LGALS9: variants seen among roughly 807,000 people sequenced by gnomAD.
LGALS9 encodes the protein galectin-9.
In LGALS9, 26 loss-of-function variants were observed where a neutral mutation model predicts 35.9. The observed-to-expected ratio is 0.72, with a 90% CI of 0.53 to 1.01. The LOEUF (loss-of-function observed/expected upper bound fraction) is 1.01, where lower values mean the gene tolerates loss of function less well. Among genes scored for constraint, LGALS9 ranks in the 50% least tolerant of loss-of-function variants. The pLI is 0.00. For missense variants in LGALS9, 347 were observed against 445.8 expected (o/e 0.78, Z 1.99); for synonymous variants, 149 against 172.2 (o/e 0.87, Z 1.06).
At chr17:27,631,636 A>G (rs1026002694) in intron 1 of LGALS9, among the ~76,000 whole-genome samples, 4 of 152,140 alleles carry the variant, frequency 2.6e-5, no homozygotes, top group African/African-American at 9.7e-5. Flanking sequence ...TGGGACAGTA[A>G]GGACGCTACC....
intron 10 of LGALS9, among the ~76,000 whole-genome samples, chr17:27,648,390 C>T: frequency 6.6e-6 from 1 of 152,234 alleles, no homozygotes. Flanking sequence ...GAGACAGTAT[C>T]TGTAGTATGC....
intron 1 of LGALS9, among the ~76,000 whole-genome samples, chr17:27,635,299 A>G (rs2074435541): frequency 6.6e-6 from 1 of 152,082 alleles, no homozygotes; most frequent in Non-Finnish European, 1.5e-5. Flanking sequence ...TTAGTGGGAC[A>G]TGGTGGCCTG....
At position 27,649,033 on chromosome 17, in the gene LGALS9, C is replaced by G. The variant is rs375249747; in HGVS notation, c.*51C>G. ...GGCTGGGGTGTGGGGCAGTCTGGGT[C>G]CTCTCATCATCCCCACTTCCCAGGC... On this transcript the variant is annotated 3_prime_UTR_variant, in exon 11 of 11. Transcript: ENST00000395473. The G allele has an allele frequency of 8.7e-6, 14 of 1,611,532 alleles. No homozygotes were observed. The highest frequency in any genetic ancestry group is 1.1e-5 in the Non-Finnish European group (13 of 1,178,510).
intron 4 of LGALS9, 124 bp from the exon 5 acceptor site, chr17:27,643,401 T>C: frequency 1.4e-6 from 2 of 1,474,354 alleles, no homozygotes; most frequent in Non-Finnish European, 1.8e-6. Context: ...GGCAGGGCCC[T>C]AACCCCCTTG....
At chr17:27,647,536 C>G (rs1905043655) in intron 10 of LGALS9, 104 bp downstream of exon 10, 3 of 1,477,244 alleles carry the variant, frequency 2.0e-6, no homozygotes, top group Non-Finnish European at 2.7e-6. Flanking sequence ...GCTGATTCCT[C>G]TGGGATGAAG....
At chr17:27,636,974 C>T (rs2074459069) in intron 1 of LGALS9, among the ~76,000 whole-genome samples, 1 of 152,028 alleles carries the variant, frequency 6.6e-6, no homozygotes, top group Non-Finnish European at 1.5e-5. Context: ...TGCCACAGTC[C>T]CCACCACTCC....
intron 2 of LGALS9, 71 bp from the exon 3 acceptor site, chr17:27,640,501 C>A: frequency 6.2e-7 from 1 of 1,600,720 alleles, no homozygotes; most frequent in Non-Finnish European, 8.6e-7. Flanking sequence ...GCACAGGCGC[C>A]GAGGCCCTCC....
At chr17:27,632,271 G>C (rs2074400703) in intron 1 of LGALS9, among the ~76,000 whole-genome samples, 1 of 150,984 alleles carries the variant, frequency 6.6e-6, no homozygotes, top group Non-Finnish European at 1.5e-5. Context: ...GGGAGGCAGG[G>C]TGGGGAGGGT....
rs36097824 is a variant in LGALS9, at chr17:27,642,359, C to G, written c.444+11C>G. ...TACATCAGCTTCCAGGTCAGACTGT[C>G]CACCTGGCACCGGTCCCAGGGGCTG... is the stretch of plus-strand genomic sequence containing the variant. On this transcript the variant is annotated intron_variant, in intron 4 of 10. Coordinates refer to ENST00000395473, the MANE Select transcript of LGALS9 (RefSeq NM_009587.3). 1,978 of 1,609,116 alleles carry G rather than the reference C, an allele frequency of 1.2e-3. 29 individuals carry two copies. In the African/African-American group the frequency reaches 0.016, roughly 13 times the overall value.
chr17:27,648,746 G>A, intron 10 of LGALS9, 90 bp from the exon 11 acceptor site: 3 of 1,599,424 alleles, frequency 1.9e-6, no homozygotes, highest in Non-Finnish European at 2.6e-6. Context: ...AACTGAGGAG[G>A]GAGGGAGGGT....
At chr17:27,638,156 C>G (rs2074475210) in intron 1 of LGALS9, 107 bp from the exon 2 acceptor site, 10 of 895,702 alleles carry the variant, frequency 1.1e-5, no homozygotes, top group Non-Finnish European at 1.6e-5. Context: ...CGCACCCTAT[C>G]CCCTTGCATG....
At chr17:27,640,231 GCT>G (rs1904361351) in intron 2 of LGALS9, among the ~76,000 whole-genome samples, 1 of 152,168 alleles carries the variant, frequency 6.6e-6, no homozygotes, top group Non-Finnish European at 1.5e-5. Context: ...GGCACAGAAG[GCT>G]CTCTCTTCTA....
intron 1 of LGALS9, among the ~76,000 whole-genome samples, chr17:27,636,468 A>C (rs572498929): frequency 6.6e-6 from 1 of 152,034 alleles, no homozygotes; most frequent in Non-Finnish European, 1.5e-5. Context: ...TCTCTATAAT[A>C]TGGGAATTTG....
In LGALS9 at chr17:27,643,709, C is replaced by T; in HGVS notation, c.540+89C>T. 2 of 1,482,910 alleles carry T rather than the reference C, an allele frequency of 1.3e-6. 1 individual carries two copies. Among genetic ancestry groups the T allele is most frequent in the Admixed American group, 5.0e-5 (2 of 40,314 alleles). The allele number at this position is 1,482,910 out of a possible 1,614,324, so 91.9% of individuals were successfully genotyped here. A position where few individuals can be genotyped will look rare whatever the true frequency, so the allele number is the denominator to read the frequency against. On this transcript the variant is annotated intron_variant, in intron 5 of 10. Coordinates refer to ENST00000395473, the MANE Select transcript of LGALS9 (RefSeq NM_009587.3). Reference sequence around the variant, plus strand: ...GGCTGGCCCCAGCCAGCAGGCCACTCAGGGCCTACAGGCCGCATCTTGCCC... The same window carrying T: ...GGCTGGCCCCAGCCAGCAGGCCACTTAGGGCCTACAGGCCGCATCTTGCCC...
In LGALS9 at chr17:27,649,002, G is replaced by C. The variant is rs780136627; in HGVS notation, c.*20G>C. On this transcript the variant is annotated 3_prime_UTR_variant, in exon 11 of 11. Coordinates refer to ENST00000395473, the MANE Select transcript of LGALS9 (RefSeq NM_009587.3). ...ACATAGGCGGCTTCCTGGCCCTGGG[G>C]CCGGGGGCTGGGGTGTGGGGCAGTC... is the stretch of plus-strand genomic sequence containing the variant. The C allele has an allele frequency of 3.1e-6, 5 of 1,613,726 alleles. No homozygotes were observed. The highest frequency in any genetic ancestry group is 4.2e-6 in the Non-Finnish European group (5 of 1,179,822).
chr17:27,640,397 A>G, intron 2 of LGALS9, 175 bp from the exon 3 acceptor site: 1 of 978,472 alleles, frequency 1.0e-6, no homozygotes, highest in Non-Finnish European at 1.5e-6. Flanking sequence ...AATTAAAACA[A>G]AAACACATTA....
intron 7 of LGALS9, among the ~76,000 whole-genome samples, chr17:27,646,339 G>T (rs562797844): frequency 1.3e-5 from 2 of 152,156 alleles, no homozygotes; most frequent in African/African-American, 4.8e-5. Flanking sequence ...GGGTTGAGGG[G>T]CAGGTGACCG....
chr17:27,639,478 G>A (rs956461911), intron 2 of LGALS9, among the ~76,000 whole-genome samples: 21 of 152,108 alleles, frequency 1.4e-4, no homozygotes, highest in African/African-American at 4.1e-4. Context: ...CAGGAATTTC[G>A]AAAGGACTAC....
At chr17:27,633,428 C>T (rs755532488) in intron 1 of LGALS9, among the ~76,000 whole-genome samples, 2 of 152,234 alleles carry the variant, frequency 1.3e-5, no homozygotes, top group African/African-American at 2.4e-5. Context: ...ACCATGGAGC[C>T]TCTGAGGCAG....
Sources: allele counts gnomAD v4.1 joint callset (sites outside exome capture counted in the v4.1 genomes callset), GRCh38; gene constraint gnomAD v4.1.1; transcripts MANE v1.5; gene names NCBI Gene and HGNC (gene_info 2026-07-23, HGNC 2026-07-21).